Variants in AGMO observed in about 807,000 individuals in gnomAD.
AGMO encodes alkylglycerol monooxygenase.
In AGMO, 75 loss-of-function variants were observed where a neutral mutation model predicts 60.2. The ratio of observed to expected loss-of-function variants is 1.25; its 90% CI spans 1.03 to 1.51. AGMO has a LOEUF of 1.51. Among genes scored for constraint, AGMO ranks in the 40% most tolerant of loss-of-function variants. AGMO has a pLI of 0.00. For synonymous variants in AGMO, 261 were observed against 177.1 expected (o/e 1.47, Z -3.76); for missense variants, 763 against 525.5 (o/e 1.45, Z -4.42).
intron 2 of AGMO, among the ~76,000 whole-genome samples, chr7:15,553,850 T>C (rs1055591343): frequency 3.9e-5 from 6 of 152,092 alleles, no homozygotes; most frequent in African/African-American, 1.4e-4. Flanking sequence ...TTAACACAAA[T>C]CGAGCTGAAA....
chr7:15,417,165 A>T (rs1330917180), intron 5 of AGMO, among the ~76,000 whole-genome samples: 1 of 152,208 alleles, frequency 6.6e-6, no homozygotes, highest in Non-Finnish European at 1.5e-5. Flanking sequence ...AACTGTAGGA[A>T]CCCACACATA....
chr7:15,364,167 A>T (rs895914705), intron 12 of AGMO, among the ~76,000 whole-genome samples: 1 of 151,920 alleles, frequency 6.6e-6, no homozygotes, highest in Non-Finnish European at 1.5e-5. Flanking sequence ...TTAGAGGTTG[A>T]GAAGTTTTAA....
At chr7:15,269,143 T>TA (rs1403726195) in intron 12 of AGMO, among the ~76,000 whole-genome samples, 2 of 152,116 alleles carry the variant, frequency 1.3e-5, no homozygotes, top group Non-Finnish European at 2.9e-5. Flanking sequence ...CAGAAATTAC[T>TA]AAAAGTGGTT....
intron 3 of AGMO, among the ~76,000 whole-genome samples, chr7:15,505,791 AAC>A (rs1783498728): frequency 6.6e-6 from 1 of 152,174 alleles, no homozygotes; most frequent in East Asian, 1.9e-4. Flanking sequence ...AATTATTAAT[AAC>A]AGAGTCTAAG....
At chr7:15,484,323 G>A (rs1409963711) in intron 3 of AGMO, among the ~76,000 whole-genome samples, 1 of 152,092 alleles carries the variant, frequency 6.6e-6, no homozygotes, top group Non-Finnish European at 1.5e-5. Flanking sequence ...GGTACAAAAT[G>A]TATCGTACAA....
chr7:15,206,100 G>C (rs537263181), intron 12 of AGMO, among the ~76,000 whole-genome samples: 1 of 152,116 alleles, frequency 6.6e-6, no homozygotes, highest in East Asian at 1.9e-4. Flanking sequence ...AACCCAAAGA[G>C]AGATTAAGCC....
intron 3 of AGMO, among the ~76,000 whole-genome samples, chr7:15,503,149 C>G (rs1188052194): frequency 6.6e-6 from 1 of 151,882 alleles, no homozygotes; most frequent in Non-Finnish European, 1.5e-5. Context: ...CCTCTATAAC[C>G]TACTCCACAC....
At chr7:15,366,257 A>G (rs1360122346) in intron 10 of AGMO, 35 bp from the exon 11 acceptor site, 2 of 1,518,588 alleles carry the variant, frequency 1.3e-6, no homozygotes, top group Non-Finnish European at 1.8e-6. Context: ...TGGAGCCGTT[A>G]GAAGAATTGT....
At chr7:15,514,993 C>T (rs1783771893) in intron 3 of AGMO, among the ~76,000 whole-genome samples, 1 of 152,164 alleles carries the variant, frequency 6.6e-6, no homozygotes, top group Non-Finnish European at 1.5e-5. Flanking sequence ...AACAGTTTAT[C>T]AAGTGTTGGC....
At chr7:15,201,515 T>C (rs1583287372) in intron 12 of AGMO, among the ~76,000 whole-genome samples, 156 bp from the exon 13 acceptor site, 1 of 152,166 alleles carries the variant, frequency 6.6e-6, no homozygotes, top group Admixed American at 6.5e-5. Context: ...CTGATAGAAC[T>C]TAGCCAATTT....
chr7:15,207,311 T>C (rs1237275126), intron 12 of AGMO, among the ~76,000 whole-genome samples: 1 of 152,192 alleles, frequency 6.6e-6, no homozygotes, highest in African/African-American at 2.4e-5. Context: ...CTCAAAAACA[T>C]CTGTGAATTT....
intron 12 of AGMO, among the ~76,000 whole-genome samples, chr7:15,348,134 G>T (rs552038049): frequency 1.3e-5 from 2 of 151,968 alleles, no homozygotes; most frequent in African/African-American, 4.8e-5. Flanking sequence ...AAAGAACACA[G>T]AATCCCTATT....
At chr7:15,537,294 A>T (rs1456258488) in intron 3 of AGMO, among the ~76,000 whole-genome samples, 1 of 152,130 alleles carries the variant, frequency 6.6e-6, no homozygotes, top group Non-Finnish European at 1.5e-5. Flanking sequence ...CAGAGTGGTT[A>T]ATCCCAAGGT....
chr7:15,197,596 T>C (rs1583284274), downstream of AGMO, among the ~76,000 whole-genome samples: 1 of 152,318 alleles, frequency 6.6e-6, no homozygotes, highest in East Asian at 1.9e-4. Flanking sequence ...GCTAAGGTAA[T>C]GAGCAAGTCT....
the AGMO span, among the ~76,000 whole-genome samples, chr7:15,193,596 C>G: frequency 6.6e-6 from 1 of 152,096 alleles, no homozygotes; most frequent in African/African-American, 2.4e-5. Context: ...TAATAGGGAT[C>G]AATTTCAATA....
intron 3 of AGMO, among the ~76,000 whole-genome samples, chr7:15,528,201 C>CA (rs1381762177): frequency 6.6e-6 from 1 of 151,408 alleles, no homozygotes; most frequent in African/African-American, 2.4e-5. Flanking sequence ...GCATCTTTAG[C>CA]AAAAAAAGTG....
At chr7:15,386,509 G>C (rs565317770) in intron 9 of AGMO, among the ~76,000 whole-genome samples, 1 of 152,302 alleles carries the variant, frequency 6.6e-6, no homozygotes, top group East Asian at 1.9e-4. Context: ...CCTATATCAA[G>C]TTGGTGGATT....
downstream of AGMO, among the ~76,000 whole-genome samples, chr7:15,195,866 A>G (rs966134403): frequency 5.9e-5 from 9 of 152,206 alleles, no homozygotes; most frequent in African/African-American, 2.2e-4. Flanking sequence ...ATTAAAAATG[A>G]AAAATCAGAC....
chr7:15,495,865 T>C (rs141903093), intron 3 of AGMO, among the ~76,000 whole-genome samples: 3 of 144,416 alleles, frequency 2.1e-5, no homozygotes, highest in African/African-American at 7.5e-5. Flanking sequence ...TCTCTCTCTC[T>C]CCTCTCTCTC....
Sources: gnomAD v4.1 joint callset for allele counts (sites outside exome capture counted in the v4.1 genomes callset) on GRCh38, gnomAD v4.1.1 for gene constraint, MANE v1.5 for transcripts, NCBI Gene and HGNC (gene_info 2026-07-23, HGNC 2026-07-21) for gene names.